PER3: variants seen among roughly 807,000 people sequenced by gnomAD.
PER3 encodes the protein period circadian regulator 3.
PER3 carries 107 observed loss-of-function variants against 127.2 expected under a neutral mutation model. The observed-to-expected ratio is 0.84, with a 90% CI of 0.72 to 0.99. PER3 has a LOEUF of 0.99. Among genes scored for constraint, PER3 ranks in the 50% least tolerant of loss-of-function variants. The probability of loss-of-function intolerance (pLI) is 0.00; values close to 1 mark genes in which losing one functional copy is unlikely to be tolerated. For missense variants in PER3, 1,560 were observed against 1,525.8 expected (o/e 1.02, Z -0.37); for synonymous variants, 618 against 585.8 (o/e 1.05, Z -0.79).
At chr1:7,787,004 G>T (rs1286608406) in intron 4 of PER3, among the ~76,000 whole-genome samples, 168 bp downstream of exon 4, 1 of 152,164 alleles carries the variant, frequency 6.6e-6, no homozygotes, top group African/African-American at 2.4e-5. Flanking sequence ...CCTTGCCAGA[G>T]AAAACATCTA....
intron 2 of PER3, 107 bp downstream of exon 2, chr1:7,785,112 G>A (rs2097080197): frequency 8.6e-6 from 11 of 1,277,794 alleles, no homozygotes; most frequent in Non-Finnish European, 1.2e-5. Flanking sequence ...AAGCCCAGGG[G>A]AAAGTGTAAA....
chr1:7,822,480 G>A (rs879602094), intron 16 of PER3, among the ~76,000 whole-genome samples: 3 of 151,814 alleles, frequency 2.0e-5, no homozygotes, highest in South Asian at 2.1e-4. Context: ...CTCGAACTCC[G>A]GACCTCAGGT....
chr1:7,813,469 G>T (rs1214503414), intron 13 of PER3, among the ~76,000 whole-genome samples: 1 of 152,202 alleles, frequency 6.6e-6, no homozygotes, highest in Non-Finnish European at 1.5e-5. Context: ...GGAGCAAGAT[G>T]CAGCACTGGA....
chr1:7,785,025 C>A lies in PER3; in HGVS notation c.128+20C>A. The A allele has an allele frequency of 6.4e-7, 1 of 1,566,602 alleles. No individual in the cohort carries two copies. Among genetic ancestry groups the A allele is most frequent in the South Asian group, 1.2e-5 (1 of 84,050 alleles). On this transcript the variant is annotated intron_variant, in intron 2 of 21. Transcript: ENST00000377532. ...CCACAGGTGACGCGCTGGCTTCAGG[C>A]CGAGGGCCCCATGCGTTCGTTGTCC...
At position 7,827,301 on chromosome 1, in the gene PER3, C is replaced by T. The variant is rs2151140280; in HGVS notation, c.2372C>T (p.Pro791Leu). ...SAASSPHTSS[P>L]TFPPAAMVPS... is the part of the protein sequence containing the mutation. ...GCCTCCTCTCCGCACACCTCGAGCC[C>T]GACCTTCCCACCTGCCGCCATGGTG... The change falls in exon 18 of 22, where the codon CCG (proline) becomes CTG (leucine). Residue 791 changes from proline (P) to leucine (L), a missense_variant. Transcript: ENST00000377532. The T allele has an allele frequency of 2.5e-6, 4 of 1,613,728 alleles. No individual in the cohort carries two copies. Among genetic ancestry groups the T allele is most frequent in the Non-Finnish European group, 3.4e-6 (4 of 1,179,838 alleles).
At chr1:7,810,065 C>T (rs2150849826) in intron 12 of PER3, 44 bp downstream of exon 12, 2 of 1,577,996 alleles carry the variant, frequency 1.3e-6, no homozygotes, top group Non-Finnish European at 1.7e-6. Flanking sequence ...ATCGTGTTTT[C>T]TGTACTACCT....
intron 21 of PER3, among the ~76,000 whole-genome samples, chr1:7,840,611 C>G (rs1027192794): frequency 1.3e-5 from 2 of 151,382 alleles, no homozygotes; most frequent in Non-Finnish European, 2.9e-5. Context: ...AGCCACCGCA[C>G]CCAGCTTTTT....
chr1:7,818,397 G>A (rs751126998), intron 13 of PER3, among the ~76,000 whole-genome samples: 1 of 152,148 alleles, frequency 6.6e-6, no homozygotes, highest in Non-Finnish European at 1.5e-5. Flanking sequence ...AAATAGAGAA[G>A]CCTCTTCCAA....
chr1:7,815,757 G>A (rs2097245853), intron 13 of PER3, among the ~76,000 whole-genome samples: 1 of 151,770 alleles, frequency 6.6e-6, no homozygotes, highest in African/African-American at 2.4e-5. Flanking sequence ...GGGCCGAGGT[G>A]GGCAGATCAC....
intron 5 of PER3, among the ~76,000 whole-genome samples, chr1:7,788,944 T>C (rs1302160924): frequency 3.3e-5 from 5 of 152,146 alleles, no homozygotes; most frequent in African/African-American, 1.2e-4. Flanking sequence ...TTAGCTCTCT[T>C]ACAGTTTTTC....
At chr1:7,791,867 C>T (rs189958822) in intron 5 of PER3, among the ~76,000 whole-genome samples, 179 of 152,298 alleles carry the variant, frequency 1.2e-3, no homozygotes, top group African/African-American at 4.2e-3. Flanking sequence ...TCTGAGACCA[C>T]CTCAGCCTGC....
intron 19 of PER3, among the ~76,000 whole-genome samples, chr1:7,834,386 A>G (rs1017256054): frequency 1.3e-5 from 2 of 152,216 alleles, no homozygotes; most frequent in African/African-American, 2.4e-5. Flanking sequence ...AAAAACCCAC[A>G]ATAACATTGT....
chr1:7,797,981 C>T (rs1558399635), intron 6 of PER3, among the ~76,000 whole-genome samples: 2 of 152,202 alleles, frequency 1.3e-5, no homozygotes, highest in Non-Finnish European at 2.9e-5. Flanking sequence ...TTGCTGAACT[C>T]GGTTTTAGCC....
intron 18 of PER3, 111 bp from the exon 19 acceptor site, chr1:7,829,723 G>T: frequency 4.6e-6 from 4 of 866,846 alleles, no homozygotes; most frequent in South Asian, 1.7e-5. Flanking sequence ...TTGGACCTTG[G>T]TTGACCACAG....
rs773148390 is a variant in PER3 at position 7,784,937 on chromosome 1, C to T, written c.60C>T (p.Gly20=). The T allele has an allele frequency of 3.2e-6, 5 of 1,539,962 alleles. No individual in the cohort carries two copies. The Middle Eastern group carries it at 5.2e-4, about 159-fold the overall frequency. The part of the protein sequence containing the change: ...GRRGAKDEAL[G]EESGERWSPE... ...GGGGGGCTAAGGACGAGGCCCTGGG[C>T]GAAGAATCGGGGGAGCGGTGGAGCC... is the stretch of plus-strand genomic sequence containing the variant. The change falls in exon 2 of 22, where the codon GGC becomes GGT. Residue 20 remains glycine (G), a synonymous_variant. Coordinates refer to ENST00000377532, the MANE Select transcript of PER3 (RefSeq NM_001377275.1).
intron 10 of PER3, among the ~76,000 whole-genome samples, chr1:7,804,308 TTTC>T (rs1013684525): frequency 6.9e-5 from 10 of 145,848 alleles, no homozygotes; most frequent in African/African-American, 1.5e-4. Flanking sequence ...TGTTTCTTTC[TTTC>T]TTTTTTTTTT....
intron 21 of PER3, 30 bp from the exon 22 acceptor site, chr1:7,842,642 G>T: frequency 6.2e-7 from 1 of 1,611,746 alleles, no homozygotes; most frequent in South Asian, 1.1e-5. Context: ...TTGACATCAA[G>T]TAACTCGCCT....
At position 7,803,681 on chromosome 1, in the gene PER3, A is replaced by T. The variant is rs1214875944; in HGVS notation, c.980-11A>T. On this transcript the variant is annotated splice_polypyrimidine_tract_variant and intron_variant, in intron 9 of 21. Coordinates refer to ENST00000377532, the MANE Select transcript of PER3 (RefSeq NM_001377275.1). ...AAGTAAATCCTATTTTTGTCTTATT[A>T]TTTTATATAGTTTTGAAGTATGCAG... 5 of 1,526,118 alleles carry T rather than the reference A, an allele frequency of 3.3e-6. No individual in the cohort carries two copies. The highest frequency in any genetic ancestry group is 1.2e-5 in the South Asian group (1 of 85,606). The allele number at this position is 1,526,118 out of a possible 1,614,324, so 94.5% of individuals were successfully genotyped here. A position where few individuals can be genotyped will look rare whatever the true frequency, so the allele number is the denominator to read the frequency against.
chr1:7,830,105 T>C lies in PER3; in HGVS notation c.3158T>C (p.Leu1053Pro). ...CCATCCCATCCTACTGCCACTGTTC[T>C]GTCCACGGGGTCACCTCCCAGCGAA... Reference protein sequence around the residue: ...RTPSHPTATVLSTGSPPSESP... With the variant: ...RTPSHPTATVPSTGSPPSESP... Residue 1053 changes from leucine to proline, a missense_variant, in exon 19 of 22, where the codon CTG (leucine) becomes CCG (proline). Transcript: ENST00000377532. 1 of 1,614,228 alleles carries C rather than the reference T, an allele frequency of 6.2e-7. No homozygotes were observed. The highest frequency in any genetic ancestry group is 8.5e-7 in the Non-Finnish European group (1 of 1,180,036).
Sources: gnomAD v4.1 joint callset for allele counts (sites outside exome capture counted in the v4.1 genomes callset) on GRCh38, gnomAD v4.1.1 for gene constraint, MANE v1.5 for transcripts, NCBI Gene and HGNC (gene_info 2026-07-23, HGNC 2026-07-21) for gene names.